The following WDR33 variants were observed in gnomAD, a reference collection of about 807,000 sequenced individuals.
The protein encoded by WDR33 is WD repeat domain 33.
WDR33 carries 47 observed loss-of-function variants against 164.9 expected under a neutral mutation model. The ratio of observed to expected loss-of-function variants is 0.29; its 90% CI spans 0.23 to 0.36. WDR33 has a LOEUF of 0.36. Among genes scored for constraint, WDR33 ranks in the 10% least tolerant of loss-of-function variants. WDR33 has a pLI of 1.00. For synonymous variants in WDR33, 505 were observed against 589.0 expected, an observed-to-expected ratio of 0.86 and a Z score of 2.06; for missense variants, 1,137 against 1,754.1, an observed-to-expected ratio of 0.65 and a Z score of 6.28.
Position 127,735,974 on chromosome 2 carries a change from G to A in WDR33, c.725-9197C>T. On this transcript the variant is annotated intron_variant, in intron 7 of 21. Coordinates refer to ENST00000322313, the MANE Select transcript of WDR33 (RefSeq NM_018383.5). The surrounding 1 kb of genome is among the most constrained non-coding windows in gnomAD (Gnocchi z 4.3). ...TGGAAAGGGGGTATGCCTAGGCAGG[G>A]CAGTGTTTTCACAATGTATGTTCCA... 2 of 985,400 alleles carry A rather than the reference G, an allele frequency of 2.0e-6. No homozygotes were observed. Among genetic ancestry groups the A allele is most frequent in the Non-Finnish European group, 2.4e-6 (2 of 829,928 alleles). 61.0% of individuals were successfully genotyped at this position (985,400 alleles called of 1,614,324 possible). A position where few individuals can be genotyped will look rare whatever the true frequency, so the allele number is the denominator to read the frequency against.
At chr2:127,805,068 CTTTTTTTTTTTT>C (rs201681607) in intron 1 of WDR33, among the ~76,000 whole-genome samples, 16 of 84,384 alleles carry the variant, frequency 1.9e-4, no homozygotes, top group Non-Finnish European at 2.4e-4. Context: ...GAAGTTTTTT[CTTTTTTTTTTTT>C]TTTTTTTTTT....
intron 7 of WDR33, among the ~76,000 whole-genome samples, chr2:127,757,791 A>G (rs1031271074): frequency 1.3e-5 from 2 of 152,206 alleles, no homozygotes; most frequent in African/African-American, 4.8e-5. Context: ...AAAAGCACCC[A>G]TTTTTTGGAA....
At chr2:127,751,115 C>A (rs544652384) in intron 7 of WDR33, among the ~76,000 whole-genome samples, 5 of 151,882 alleles carry the variant, frequency 3.3e-5, no homozygotes, top group Non-Finnish European at 5.9e-5. Context: ...AATCTCAGTA[C>A]TTTGGAAGGC....
At chr2:127,749,075 C>T (rs111246648) in intron 7 of WDR33, among the ~76,000 whole-genome samples, 2 of 152,114 alleles carry the variant, frequency 1.3e-5, no homozygotes, top group African/African-American at 4.8e-5. Flanking sequence ...TGGTGGCTCA[C>T]GCCTGTAATC....
At chr2:127,782,357 G>A (rs1474605143) in intron 1 of WDR33, among the ~76,000 whole-genome samples, 2 of 151,342 alleles carry the variant, frequency 1.3e-5, no homozygotes, top group Non-Finnish European at 2.9e-5. Context: ...GCGGCGAGCC[G>A]AGATTGCACC....
chr2:127,745,926 G>A (rs1687155655), intron 7 of WDR33, among the ~76,000 whole-genome samples: 1 of 151,882 alleles, frequency 6.6e-6, no homozygotes, highest in Non-Finnish European at 1.5e-5. Context: ...TCAGGAGGCT[G>A]AGGCAGGAGA....
Position 127,722,432 on chromosome 2 carries a change from C to T in WDR33, c.1518+159G>A, listed in dbSNP as rs1320299690. ...AAGACTGATAACAAACTCAATACAACTGCAAAGCAGTAGATGAGAACCATG... is the reference window on the plus strand; with the variant it reads ...AAGACTGATAACAAACTCAATACAATTGCAAAGCAGTAGATGAGAACCATG... On this transcript the variant is annotated intron_variant, in intron 14 of 21. Transcript: ENST00000322313. This position sits in a 1 kb window ranked among gnomAD's most constrained non-coding sequence, Gnocchi z 5.1. Among the ~76,000 whole-genome samples the T allele has an allele frequency of 6.6e-6, 1 of 152,200 alleles. No individual in the cohort carries two copies.
At chr2:127,711,766 A>ATT (rs1309830917) in intron 18 of WDR33, among the ~76,000 whole-genome samples, 5 of 72,624 alleles carry the variant, frequency 6.9e-5, no homozygotes, top group Non-Finnish European at 9.4e-5. Context: ...ATATATATAT[A>ATT]TATATATATA....
intron 7 of WDR33, among the ~76,000 whole-genome samples, chr2:127,744,239 T>C (rs1223563303): frequency 8.5e-5 from 13 of 152,218 alleles, no homozygotes; most frequent in Admixed American, 7.9e-4. Flanking sequence ...ATTGAGTTTA[T>C]TCTTAGGAGT....
chr2:127,726,537 G>A lies in WDR33; in HGVS notation c.851+114C>T, dbSNP rs534426843. The A allele has an allele frequency of 1.5e-6, 2 of 1,374,298 alleles. No homozygotes were observed. The highest frequency in any genetic ancestry group is 9.8e-7 in the Non-Finnish European group (1 of 1,016,274). The allele number at this position is 1,374,298 out of a possible 1,614,324, so 85.1% of individuals were successfully genotyped here. On this transcript the variant is annotated intron_variant, in intron 8 of 21. Coordinates refer to ENST00000322313, the MANE Select transcript of WDR33 (RefSeq NM_018383.5). This position sits in a 1 kb window ranked among gnomAD's most constrained non-coding sequence, Gnocchi z 4.8. ...GAAGTCTATAGATCCAAGTCCATCTGTTGCCTAAATGACTCTTCCAGAAAT... is the reference window on the plus strand; with the variant it reads ...GAAGTCTATAGATCCAAGTCCATCTATTGCCTAAATGACTCTTCCAGAAAT...
chr2:127,802,425 G>A (rs1230697679), intron 1 of WDR33, among the ~76,000 whole-genome samples: 9 of 152,036 alleles, frequency 5.9e-5, no homozygotes, highest in Non-Finnish European at 1.3e-4. Context: ...GGGATTACAG[G>A]CATGTGCCAC....
intron 7 of WDR33, among the ~76,000 whole-genome samples, chr2:127,729,106 T>C (rs578006922): frequency 1.3e-5 from 2 of 152,396 alleles, no homozygotes; most frequent in Admixed American, 6.5e-5. Flanking sequence ...TGGTCCTGAT[T>C]CTTGGATGTA....
At chr2:127,727,321 G>A (rs146465160) in intron 7 of WDR33, among the ~76,000 whole-genome samples, 156 of 152,248 alleles carry the variant, frequency 1.0e-3, no homozygotes, top group African/African-American at 1.9e-4. Context: ...TGCTTGATTC[G>A]CACATGTTGT....
chr2:127,755,399 T>C (rs907918070), intron 7 of WDR33, among the ~76,000 whole-genome samples: 1 of 152,218 alleles, frequency 6.6e-6, no homozygotes, highest in African/African-American at 2.4e-5. Context: ...GAATGACCTT[T>C]CACTCATGCA....
intron 3 of WDR33, 113 bp downstream of exon 3, chr2:127,768,820 T>G (rs937070871): frequency 1.4e-5 from 9 of 651,464 alleles, no homozygotes; most frequent in Non-Finnish European, 2.1e-5. Context: ...AATATTTTAA[T>G]TATAAAAATG....
At position 127,810,999 on chromosome 2, in the gene WDR33, C is replaced by G. The variant is rs552677461; in HGVS notation, c.-24+13G>C. ...GCTGCAGGCGAGCAGTCCCGTGTCG[C>G]CGCCGCACTCACCGTCTGGCTTTGA... On this transcript the variant is annotated intron_variant, in intron 1 of 21. Transcript: ENST00000322313. 4 of 152,894 alleles carry G rather than the reference C, an allele frequency of 2.6e-5. No homozygotes were observed. Among genetic ancestry groups the G allele is most frequent in the Admixed American group, 6.5e-5 (1 of 15,312 alleles). 9.5% of individuals were successfully genotyped at this position (152,894 alleles called of 1,614,324 possible). A position where few individuals can be genotyped will look rare whatever the true frequency, so the allele number is the denominator to read the frequency against.
chr2:127,793,115 T>A (rs1479511065), intron 1 of WDR33, among the ~76,000 whole-genome samples: 1 of 152,168 alleles, frequency 6.6e-6, no homozygotes, highest in Non-Finnish European at 1.5e-5. Context: ...ACAGGTAATA[T>A]CTAATGATTT....
rs1686519551 is a variant in WDR33 at position 127,724,592 on chromosome 2, T to C, written c.1086-149A>G. 1 of 722,348 alleles carries C rather than the reference T, an allele frequency of 1.4e-6. No individual in the cohort carries two copies. The highest frequency in any genetic ancestry group is 2.3e-6 in the Non-Finnish European group (1 of 430,658). The allele number at this position is 722,348 out of a possible 1,614,324, so 44.7% of individuals were successfully genotyped here. ...GTGAATTCCACATGTCTCGGGGTAT[T>C]GGCTTGTCATTGCCAAAGGACAGTT... On this transcript the variant is annotated intron_variant, in intron 10 of 21. Coordinates refer to ENST00000322313, the MANE Select transcript of WDR33 (RefSeq NM_018383.5). The surrounding 1 kb of genome is among the most constrained non-coding windows in gnomAD (Gnocchi z 4.8).
intron 7 of WDR33, among the ~76,000 whole-genome samples, chr2:127,759,416 C>T (rs144031900): frequency 3.4e-3 from 519 of 152,306 alleles, no homozygotes; most frequent in African/African-American, 0.012. Flanking sequence ...ACAGGCCAGG[C>T]ACGGTGGCTC....
Sources: allele counts gnomAD v4.1 joint callset (sites outside exome capture counted in the v4.1 genomes callset), GRCh38; gene constraint gnomAD v4.1.1; non-coding constraint Gnocchi (gnomAD v3.1); transcripts MANE v1.5; gene names NCBI Gene and HGNC (gene_info 2026-07-23, HGNC 2026-07-21).